The following CCDC68 variants were observed in gnomAD, a reference collection of about 807,000 sequenced individuals.
CCDC68 encodes the protein coiled-coil domain-containing protein 68.
A neutral mutation model predicts 47.1 loss-of-function variants in CCDC68; 45 were observed. The observed-to-expected ratio is 0.96, with a 90% CI of 0.75 to 1.23. The LOEUF is 1.23. Ranked by LOEUF, CCDC68 falls within the 50% of genes most tolerant of loss-of-function variation. The pLI is 0.00. For synonymous variants in CCDC68, 131 were observed against 129.5 expected, an observed-to-expected ratio of 1.01 and a Z score of -0.08; for missense variants, 353 against 373.6, an observed-to-expected ratio of 0.94 and a Z score of 0.45.
At chr18:54,919,902 T>C (rs2044025437) in intron 8 of CCDC68, among the ~76,000 whole-genome samples, 6 of 152,174 alleles carry the variant, frequency 3.9e-5, no homozygotes, top group Admixed American at 3.9e-4. Flanking sequence ...CTACTTTTGG[T>C]AATTCTACTA....
At chr18:54,905,264 CAA>C (rs1321187615) in intron 11 of CCDC68, among the ~76,000 whole-genome samples, 1 of 134,302 alleles carries the variant, frequency 7.4e-6, no homozygotes, top group African/African-American at 2.8e-5. Context: ...AACAGAAAAA[CAA>C]AGAGAATGAA....
chr18:54,953,984 TCC>T (rs2044665873), intron 1 of CCDC68, among the ~76,000 whole-genome samples: 1 of 53,720 alleles, frequency 1.9e-5, no homozygotes, highest in Non-Finnish European at 3.7e-5. Context: ...TCCCCTCCCC[TCC>T]CCTCCCCTCC....
chr18:54,914,754 A>G (rs2043916739), intron 10 of CCDC68, among the ~76,000 whole-genome samples: 1 of 152,188 alleles, frequency 6.6e-6, no homozygotes, highest in Non-Finnish European at 1.5e-5. Context: ...TTTTCATGAG[A>G]GGAGAGGGAC....
At chr18:54,916,483 T>C (rs1459753418) in intron 10 of CCDC68, among the ~76,000 whole-genome samples, 2 of 152,144 alleles carry the variant, frequency 1.3e-5, no homozygotes, top group African/African-American at 4.8e-5. Flanking sequence ...CTCCACAGTC[T>C]ACAGGACTGG....
At chr18:54,944,709 T>G (rs777312790) in intron 2 of CCDC68, among the ~76,000 whole-genome samples, 8 of 152,206 alleles carry the variant, frequency 5.3e-5, no homozygotes, top group Non-Finnish European at 1.5e-5. Context: ...GGAAAGTTTA[T>G]TTATTGAATT....
intron 6 of CCDC68, among the ~76,000 whole-genome samples, chr18:54,935,480 CTGTG>C (rs1370897493): frequency 2.6e-5 from 4 of 152,190 alleles, no homozygotes; most frequent in African/African-American, 9.7e-5. Flanking sequence ...TGTTACTCTT[CTGTG>C]TGTGTATTTA....
intron 10 of CCDC68, among the ~76,000 whole-genome samples, chr18:54,914,281 T>C (rs1233522173): frequency 1.3e-5 from 2 of 152,218 alleles, no homozygotes; most frequent in East Asian, 1.9e-4. Context: ...ACTCATCAGA[T>C]ACTGTTATTA....
At position 54,951,254 on chromosome 18, in the gene CCDC68, T is replaced by A. The variant is rs144996244; in HGVS notation, c.-102-5777A>T. Reference sequence around the variant, plus strand: ...AGTCTATCCTCATAGTTCACTGGCATAATTTGAAACATTGAAAAACAGCTG... The same window carrying A: ...AGTCTATCCTCATAGTTCACTGGCAAAATTTGAAACATTGAAAAACAGCTG... On this transcript the variant is annotated intron_variant, in intron 1 of 11. Coordinates refer to ENST00000591504, the MANE Select transcript of CCDC68 (RefSeq NM_025214.3). 5.3e-5 allele frequency among the ~76,000 whole-genome samples: 8 copies of A among 152,294 alleles called. No homozygotes were observed. In the East Asian group the frequency reaches 1.5e-3, roughly 29 times the overall value.
In CCDC68 at chr18:54,942,673, A is replaced by T. The variant is rs752834842; in HGVS notation, c.117+2T>A. The T allele has an allele frequency of 1.3e-6, 2 of 1,529,954 alleles. No individual in the cohort carries two copies. The highest frequency in any genetic ancestry group is 1.8e-6 in the Non-Finnish European group (2 of 1,110,996). 94.8% of individuals were successfully genotyped at this position (1,529,954 alleles called of 1,614,324 possible). ...TACTAATGATTTCTGCTACCCACAT[A>T]CCTTTTTCACATACTCGGTTTCTTC... On this transcript the variant is annotated splice_donor_variant, in intron 3 of 11. Transcript: ENST00000591504. LOFTEE classifies it high-confidence loss of function.
chr18:54,957,518 C>G (rs2044733120), intron 1 of CCDC68, among the ~76,000 whole-genome samples: 1 of 152,116 alleles, frequency 6.6e-6, no homozygotes, highest in Non-Finnish European at 1.5e-5. Context: ...TTCTCCCACA[C>G]AGAACACAGT....
At chr18:54,935,163 A>G (rs1163059871) in intron 6 of CCDC68, among the ~76,000 whole-genome samples, 4 of 152,236 alleles carry the variant, frequency 2.6e-5, no homozygotes, top group African/African-American at 7.2e-5. Flanking sequence ...TATTCTTCCT[A>G]GAATGTTTCC....
At chr18:54,908,155 A>T (rs558164707) in intron 10 of CCDC68, among the ~76,000 whole-genome samples, 1 of 152,350 alleles carries the variant, frequency 6.6e-6, no homozygotes, top group Admixed American at 6.5e-5. Context: ...AGAGTTTTAA[A>T]AATACAGGCA....
At chr18:54,947,771 C>A (rs1470893775) in intron 1 of CCDC68, among the ~76,000 whole-genome samples, 2 of 152,012 alleles carry the variant, frequency 1.3e-5, no homozygotes, top group African/African-American at 2.4e-5. Context: ...AGGAAAGAAG[C>A]AGGTTATATT....
At chr18:54,943,883 T>C in intron 2 of CCDC68, among the ~76,000 whole-genome samples, 1 of 152,108 alleles carries the variant, frequency 6.6e-6, no homozygotes, top group East Asian at 1.9e-4. Context: ...AAGTCGGGCA[T>C]GGTGGCTCAC....
At chr18:54,925,802 A>G (rs1466886422) in intron 8 of CCDC68, among the ~76,000 whole-genome samples, 1 of 152,218 alleles carries the variant, frequency 6.6e-6, no homozygotes, top group Non-Finnish European at 1.5e-5. Flanking sequence ...AGTGGAATAA[A>G]GGATAACTAG....
intron 4 of CCDC68, among the ~76,000 whole-genome samples, chr18:54,940,486 A>G (rs11876384): frequency 0.36 from 54,772 of 152,114 alleles, 10,338 homozygotes; most frequent in East Asian, 0.59. Context: ...TATAGTGGAC[A>G]ACACTGATTA....
rs563836345 is a variant in CCDC68 at position 54,931,403 on chromosome 18, A to G, written c.601-2521T>C. Among the ~76,000 whole-genome samples the G allele has an allele frequency of 2.0e-5, 3 of 152,354 alleles. No individual in the cohort carries two copies. The East Asian group carries it at 5.8e-4, about 29-fold the overall frequency. ...CAGACAGCTCCAGGTTTCCCTCACC[A>G]GGCTGATCGGAGAGGGCACCAATTT... On this transcript the variant is annotated intron_variant, in intron 7 of 11. Transcript: ENST00000591504.
intron 10 of CCDC68, among the ~76,000 whole-genome samples, chr18:54,914,300 C>CT (rs1175736712): frequency 6.6e-6 from 1 of 152,018 alleles, no homozygotes; most frequent in African/African-American, 2.4e-5. Context: ...TATTTGAAGC[C>CT]TTTTTTTATA....
intron 1 of CCDC68, among the ~76,000 whole-genome samples, chr18:54,951,060 T>C (rs1454251105): frequency 2.0e-5 from 3 of 149,520 alleles, no homozygotes; most frequent in Admixed American, 6.7e-5. Flanking sequence ...AGGCGCCCGC[T>C]ACCACGCCCG....
Sources: gnomAD v4.1 joint callset for allele counts (sites outside exome capture counted in the v4.1 genomes callset) on GRCh38, gnomAD v4.1.1 for gene constraint, MANE v1.5 for transcripts, NCBI Gene and HGNC (gene_info 2026-07-23, HGNC 2026-07-21) for gene names.